Variants in ERBIN observed in about 807,000 individuals in gnomAD.
ERBIN encodes erbb2 interacting protein.
A neutral mutation model predicts 158.4 loss-of-function variants in ERBIN; 60 were observed. The observed-to-expected ratio is 0.38, with a 90% CI of 0.31 to 0.47. The LOEUF is 0.47. Among genes scored for constraint, ERBIN ranks in the 20% least tolerant of loss-of-function variants. ERBIN has a pLI of 0.99. For missense variants in ERBIN, 1,610 were observed against 1,648.0 expected, an observed-to-expected ratio of 0.98 and a Z score of 0.40; for synonymous variants, 594 against 557.2, an observed-to-expected ratio of 1.07 and a Z score of -0.93.
At chr5:66,009,956 C>A (rs543644182) in intron 4 of ERBIN, among the ~76,000 whole-genome samples, 1 of 152,030 alleles carries the variant, frequency 6.6e-6, no homozygotes, top group East Asian at 1.9e-4. Flanking sequence ...ATTAGTAGTC[C>A]GAAAAAGTGC....
chr5:65,937,915 A>G (rs1710263583), intron 1 of ERBIN, among the ~76,000 whole-genome samples: 1 of 152,166 alleles, frequency 6.6e-6, no homozygotes, highest in African/African-American at 2.4e-5. Context: ...TCTCAAAATA[A>G]TAATAATAAT....
At chr5:65,933,911 T>A (rs116249155) in intron 1 of ERBIN, among the ~76,000 whole-genome samples, 6,965 of 151,960 alleles carry the variant, frequency 0.046, 406 homozygotes, top group African/African-American at 0.14. Flanking sequence ...AAATATATAT[T>A]TTTTTTTATT....
At chr5:66,076,548 T>A in intron 24 of ERBIN, 140 bp downstream of exon 24, 1 of 705,982 alleles carries the variant, frequency 1.4e-6, no homozygotes, top group Non-Finnish European at 2.4e-6. Context: ...ATTGCTTACC[T>A]TTTTGTTTTG....
intron 1 of ERBIN, among the ~76,000 whole-genome samples, chr5:65,967,537 G>C (rs1748791879): frequency 6.6e-6 from 1 of 152,078 alleles, no homozygotes; most frequent in East Asian, 1.9e-4. Context: ...TAGTCTAGTG[G>C]CAGTAGGCTA....
chr5:65,947,308 CA>C (rs751285858), intron 1 of ERBIN, among the ~76,000 whole-genome samples: 10 of 152,190 alleles, frequency 6.6e-5, no homozygotes, highest in Non-Finnish European at 1.2e-4. Context: ...TGGCTCACTG[CA>C]ACCTCCACCT....
intron 7 of ERBIN, among the ~76,000 whole-genome samples, chr5:66,019,160 T>G (rs1389340410): frequency 6.6e-6 from 1 of 152,194 alleles, no homozygotes; most frequent in African/African-American, 2.4e-5. Context: ...TTTGACTTCT[T>G]ATTTTCCAAT....
intron 4 of ERBIN, among the ~76,000 whole-genome samples, chr5:65,998,894 C>CAA (rs34966696): frequency 1.1e-3 from 76 of 69,836 alleles, no homozygotes; most frequent in Admixed American, 2.0e-3. Flanking sequence ...GACCCTGTCT[C>CAA]AAAAAAAAAA....
intron 14 of ERBIN, among the ~76,000 whole-genome samples, chr5:66,029,706 G>A (rs1027445593): frequency 6.6e-6 from 1 of 152,118 alleles, no homozygotes; most frequent in African/African-American, 2.4e-5. Context: ...CTGGGTTCAA[G>A]CGATTCTCTT....
intron 6 of ERBIN, among the ~76,000 whole-genome samples, 176 bp downstream of exon 6, chr5:66,013,814 A>G (rs916633465): frequency 6.6e-6 from 1 of 152,084 alleles, no homozygotes; most frequent in African/African-American, 2.4e-5. Context: ...TTCCAAGTAA[A>G]CAATAATCAG....
chr5:66,080,273 C>G lies in ERBIN; in HGVS notation c.*1743C>G, dbSNP rs1439986843. On this transcript the variant is annotated 3_prime_UTR_variant, in exon 26 of 26. Transcript: ENST00000284037. The stretch of plus-strand genomic sequence containing the variant: ...TAAAAATATGTGAACTCAAATATTG[C>G]ACTTCTTTCAAGATGTTATCAATTG... 5 of 152,474 alleles carry G rather than the reference C, an allele frequency of 3.3e-5. No homozygotes were observed. Among genetic ancestry groups the G allele is most frequent in the Non-Finnish European group, 1.5e-5 (1 of 67,938 alleles). 9.4% of individuals were successfully genotyped at this position (152,474 alleles called of 1,614,324 possible).
chr5:65,938,552 C>CTGTTT (rs373682301), intron 1 of ERBIN, among the ~76,000 whole-genome samples: 6,360 of 151,600 alleles, frequency 0.042, 449 homozygotes, highest in African/African-American at 0.15. Context: ...AGGGCTGATT[C>CTGTTT]TGTTTTGTTT....
In ERBIN at chr5:66,050,662, A is replaced by G. The variant is rs115091443; in HGVS notation, c.1904-121A>G. The G allele has an allele frequency of 2.1e-3, 1,067 of 511,580 alleles. 8 individuals are homozygous for G. Among genetic ancestry groups the G allele is most frequent in the African/African-American group, 0.019 (945 of 49,944 alleles). The allele number at this position is 511,580 out of a possible 1,614,324, so 31.7% of individuals were successfully genotyped here. A position where few individuals can be genotyped will look rare whatever the true frequency, so the allele number is the denominator to read the frequency against. ...TTTTCAGGGGTGCTTCCAATTATCA[A>G]TATAATTTATTACCTCATATATAGA... On this transcript the variant is annotated intron_variant, in intron 19 of 25. Coordinates refer to ENST00000284037, the MANE Select transcript of ERBIN (RefSeq NM_001253697.2).
chr5:66,033,140 A>T (rs1240976635), intron 14 of ERBIN, among the ~76,000 whole-genome samples: 1 of 152,160 alleles, frequency 6.6e-6, no homozygotes, highest in African/African-American at 2.4e-5. Flanking sequence ...TTGCTCCTGA[A>T]GGCTTCATTT....
chr5:66,068,368 T>A (rs560032064), intron 21 of ERBIN, among the ~76,000 whole-genome samples: 1 of 152,172 alleles, frequency 6.6e-6, no homozygotes, highest in African/African-American at 2.4e-5. Flanking sequence ...TTTGCAAATA[T>A]ATTTTGTGTT....
At chr5:65,991,099 T>C (rs2151043881) in intron 2 of ERBIN, among the ~76,000 whole-genome samples, 1 of 152,320 alleles carries the variant, frequency 6.6e-6, no homozygotes, top group African/African-American at 2.4e-5. Flanking sequence ...GAAATACATA[T>C]CTTATTCTTT....
At chr5:65,970,106 A>G (rs776233917) in intron 1 of ERBIN, among the ~76,000 whole-genome samples, 4 of 136,420 alleles carry the variant, frequency 2.9e-5, no homozygotes, top group Non-Finnish European at 6.5e-5. Flanking sequence ...AAATTACATA[A>G]TCTAGTGAAG....
chr5:65,940,537 C>A (rs1744806765), intron 1 of ERBIN, among the ~76,000 whole-genome samples: 1 of 141,694 alleles, frequency 7.1e-6, no homozygotes, highest in East Asian at 2.1e-4. Context: ...AGCCCCCTGC[C>A]CGGCCAGCCG....
chr5:65,931,087 T>C (rs1445670049), intron 1 of ERBIN, among the ~76,000 whole-genome samples: 1 of 152,198 alleles, frequency 6.6e-6, no homozygotes, highest in Non-Finnish European at 1.5e-5. Context: ...AAGACTCTAC[T>C]TATCTGGAGG....
chr5:66,054,281 A>G lies in ERBIN; in HGVS notation c.2963A>G (p.Lys988Arg), dbSNP rs1397111486. Residue 988 changes from lysine to arginine, a missense_variant, in exon 21 of 26, where the codon AAA (lysine) becomes AGA (arginine). Lys to Arg is a conservative substitution (Grantham distance 26, BLOSUM62 2). Around this residue, in one of 2 missense-constraint regions of ERBIN, gnomAD observed 1,014 missense variants for 936.1 expected, o/e 1.08. Coordinates refer to ENST00000284037, the MANE Select transcript of ERBIN (RefSeq NM_001253697.2). ...NIQYSSSAAV[K>R]DTLWHSKQNP... ...CAATACAGTAGCAGTGCTGCAGTCAAAGACACTTTGTGGCACTCCAAACAA... is the reference window on the plus strand; with the variant it reads ...CAATACAGTAGCAGTGCTGCAGTCAGAGACACTTTGTGGCACTCCAAACAA... 14 of 1,614,170 alleles carry G rather than the reference A, an allele frequency of 8.7e-6. No individual in the cohort carries two copies. The highest frequency in any genetic ancestry group is 1.3e-5 in the African/African-American group (1 of 75,048).
Sources: gnomAD v4.1 joint callset for allele counts (sites outside exome capture counted in the v4.1 genomes callset) on GRCh38, gnomAD v4.1.1 for gene constraint, gnomAD v4.1.1 regional missense constraint, MANE v1.5 for transcripts, NCBI Gene and HGNC (gene_info 2026-07-23, HGNC 2026-07-21) for gene names.